The following PLCB4 variants were observed in gnomAD, a reference collection of about 807,000 sequenced individuals.
The protein encoded by PLCB4 is 1-phosphatidylinositol 4,5-bisphosphate phosphodiesterase beta-4.
A neutral mutation model predicts 178.8 loss-of-function variants in PLCB4; 77 were observed. That is an observed-to-expected ratio of 0.43 (90% CI 0.36 to 0.52). PLCB4 has a LOEUF of 0.52. Among genes scored for constraint, PLCB4 ranks in the 20% least tolerant of loss-of-function variants. PLCB4 has a pLI of 0.00. For synonymous variants in PLCB4, 496 were observed against 490.8 expected, an observed-to-expected ratio of 1.01 and a Z score of -0.14; for missense variants, 1,024 against 1,453.4, an observed-to-expected ratio of 0.70 and a Z score of 4.80.
chr20:9,337,345 G>T, intron 5 of PLCB4, 139 bp downstream of exon 5: 1 of 653,078 alleles, frequency 1.5e-6, no homozygotes. Flanking sequence ...GCCTACATGT[G>T]CCAGGCATTG....
rs914985075 is a variant in PLCB4, at chr20:9,153,506, A to G, written c.-79+57164A>G. On this transcript the variant is annotated intron_variant, in intron 2 of 39. Coordinates refer to ENST00000378473, the MANE Select transcript of PLCB4 (RefSeq NM_001377142.1). ...TTTTCTCTTGCTGCTGCCATGTAAGAAGTGCCTTTCAACCTCCCGCCATGA... is the reference window on the plus strand; with the variant it reads ...TTTTCTCTTGCTGCTGCCATGTAAGGAGTGCCTTTCAACCTCCCGCCATGA... 2.6e-5 allele frequency among the ~76,000 whole-genome samples: 4 copies of G among 152,140 alleles called. No homozygotes were observed. In the South Asian group the frequency reaches 6.2e-4, roughly 24 times the overall value.
intron 2 of PLCB4, among the ~76,000 whole-genome samples, chr20:9,120,921 C>T (rs1428945458): frequency 6.6e-6 from 1 of 152,156 alleles, no homozygotes; most frequent in Non-Finnish European, 1.5e-5. Flanking sequence ...CCCACCTGAG[C>T]TGTCCTTTGC....
intron 2 of PLCB4, among the ~76,000 whole-genome samples, chr20:9,202,124 G>A (rs1311300831): frequency 6.6e-6 from 1 of 152,226 alleles, no homozygotes; most frequent in African/African-American, 2.4e-5. Flanking sequence ...CCTGAAAGAA[G>A]CTGGAGTCAG....
At chr20:9,376,467 C>G (rs1212188148) in intron 12 of PLCB4, among the ~76,000 whole-genome samples, 1 of 152,118 alleles carries the variant, frequency 6.6e-6, no homozygotes, top group Non-Finnish European at 1.5e-5. Context: ...TTTGCCACAT[C>G]TATGTCTCTT....
intron 4 of PLCB4, among the ~76,000 whole-genome samples, chr20:9,324,884 GCATTATTT>G (rs1205449994): frequency 6.6e-6 from 1 of 152,084 alleles, no homozygotes; most frequent in Non-Finnish European, 1.5e-5. Flanking sequence ...TTCAAAAGCT[GCATTATTT>G]AAATGAGAAA....
chr20:9,097,237 T>G (rs1402572721), intron 2 of PLCB4, among the ~76,000 whole-genome samples: 1 of 149,590 alleles, frequency 6.7e-6, no homozygotes, highest in African/African-American at 2.5e-5. Flanking sequence ...CTGGCCTTTT[T>G]TTTTTTTTTT....
At chr20:9,311,201 CTAG>C in intron 4 of PLCB4, among the ~76,000 whole-genome samples, 1 of 152,270 alleles carries the variant, frequency 6.6e-6, no homozygotes, top group Middle Eastern at 3.4e-3. Context: ...CCAGTCTTTC[CTAG>C]AATTCCTAGG....
chr20:9,170,567 G>C (rs562358026), intron 2 of PLCB4, among the ~76,000 whole-genome samples: 1 of 152,162 alleles, frequency 6.6e-6, no homozygotes, highest in Non-Finnish European at 1.5e-5. Flanking sequence ...TGTTTCCTAC[G>C]AAGATTGTGT....
intron 14 of PLCB4, among the ~76,000 whole-genome samples, chr20:9,387,232 A>G (rs1335737766): frequency 6.6e-6 from 1 of 152,104 alleles, no homozygotes; most frequent in Non-Finnish European, 1.5e-5. Context: ...GATGCTTGTT[A>G]TATTTCTTAA....
intron 2 of PLCB4, among the ~76,000 whole-genome samples, chr20:9,183,563 G>A (rs986548051): frequency 6.6e-6 from 1 of 152,192 alleles, no homozygotes; most frequent in African/African-American, 2.4e-5. Flanking sequence ...TATTTATTTA[G>A]ATAAGAATGC....
chr20:9,324,683 G>A (rs2030131177), intron 4 of PLCB4, among the ~76,000 whole-genome samples: 1 of 152,152 alleles, frequency 6.6e-6, no homozygotes, highest in Admixed American at 6.5e-5. Context: ...GGTGGTAGCA[G>A]TGGTTCTTGT....
chr20:9,090,512 G>GT (rs745364250), intron 1 of PLCB4, among the ~76,000 whole-genome samples: 1,464 of 35,894 alleles, frequency 0.041, 32 homozygotes, highest in East Asian at 0.18. Flanking sequence ...TTTTTAGTGT[G>GT]TTTTTTTTTT....
chr20:9,472,315 A>G (rs1352993682), intron 36 of PLCB4, among the ~76,000 whole-genome samples: 1 of 152,190 alleles, frequency 6.6e-6, no homozygotes, highest in Admixed American at 6.5e-5. Context: ...AAGGCACAAC[A>G]GTCTGTGGTT....
chr20:9,442,996 A>G (rs1160755166), intron 30 of PLCB4, among the ~76,000 whole-genome samples: 4 of 152,180 alleles, frequency 2.6e-5, no homozygotes, highest in Non-Finnish European at 5.9e-5. Context: ...CAGAGTACAC[A>G]TTCATTTTGT....
At chr20:9,407,893 A>G (rs202072791) in intron 21 of PLCB4, 24 bp from the exon 22 acceptor site, 103 of 1,599,714 alleles carry the variant, frequency 6.4e-5, no homozygotes, top group Non-Finnish European at 8.2e-5. Flanking sequence ...ATCAACTTAT[A>G]TGTTTTCTTC....
intron 22 of PLCB4, 70 bp from the exon 23 acceptor site, chr20:9,408,563 A>G: frequency 1.4e-6 from 1 of 734,768 alleles, no homozygotes; most frequent in Admixed American, 2.0e-5. Flanking sequence ...AATTGCATTT[A>G]TTTATTGCTG....
intron 13 of PLCB4, 103 bp from the exon 14 acceptor site, chr20:9,384,098 G>A (rs541402115): frequency 2.0e-5 from 17 of 842,860 alleles, no homozygotes; most frequent in Admixed American, 1.2e-4. Flanking sequence ...CTGTGAAGAC[G>A]TTTTTACTCT....
At chr20:9,265,935 C>T (rs1371313296) in intron 3 of PLCB4, among the ~76,000 whole-genome samples, 2 of 152,148 alleles carry the variant, frequency 1.3e-5, no homozygotes, top group Non-Finnish European at 1.5e-5. Context: ...TTTTAACCAG[C>T]CCTTCAAGAG....
chr20:9,106,032 G>C (rs1410264457), intron 2 of PLCB4, among the ~76,000 whole-genome samples: 2 of 151,936 alleles, frequency 1.3e-5, no homozygotes, highest in Non-Finnish European at 2.9e-5. Flanking sequence ...CATATACCGG[G>C]AAAACATTTA....
Sources: allele counts gnomAD v4.1 joint callset (sites outside exome capture counted in the v4.1 genomes callset), GRCh38; gene constraint gnomAD v4.1.1; transcripts MANE v1.5; gene names NCBI Gene and HGNC (gene_info 2026-07-23, HGNC 2026-07-21).